Variants in MAML3 observed in about 807,000 individuals in gnomAD.
MAML3 encodes the protein mastermind like transcriptional coactivator 3, also known as mastermind-like protein 3.
Under a neutral mutation model 101.9 loss-of-function variants are expected in MAML3, and 27 were observed. The ratio of observed to expected loss-of-function variants is 0.27; its 90% CI spans 0.20 to 0.37. The LOEUF is 0.37. Among genes scored for constraint, MAML3 ranks in the 10% least tolerant of loss-of-function variants. The pLI is 1.00. For missense variants in MAML3, 1,316 were observed against 1,444.9 expected (o/e 0.91, Z 1.45); for synonymous variants, 501 against 555.9 (o/e 0.90, Z 1.39).
At chr4:139,894,132 G>A (rs1365931119) in intron 1 of MAML3, among the ~76,000 whole-genome samples, 1 of 152,164 alleles carries the variant, frequency 6.6e-6, no homozygotes, top group African/African-American at 2.4e-5. Context: ...GAGCACCATG[G>A]ATAATAAAAC....
rs554969372 is a variant in MAML3 at position 140,058,419 on chromosome 4, C to A, written c.468+94441G>T. Among the ~76,000 whole-genome samples the A allele has an allele frequency of 5.6e-4, 85 of 151,980 alleles. No individual in the cohort carries two copies. In the South Asian group the frequency reaches 0.017, roughly 31 times the overall value. On this transcript the variant is annotated intron_variant, in intron 1 of 4. Coordinates refer to ENST00000509479, the MANE Select transcript of MAML3 (RefSeq NM_018717.5). ...AAGTTTAGAGTATTTTTAAAAATTA[C>A]TAATTTAAGTTTCTTTGCTAAGAAA...
intron 1 of MAML3, among the ~76,000 whole-genome samples, chr4:140,107,864 A>T (rs373511301): frequency 4.6e-5 from 7 of 151,792 alleles, no homozygotes; most frequent in East Asian, 1.9e-4. Flanking sequence ...AAAAAAAATG[A>T]CGGTGGGGTG....
At chr4:139,793,970 A>T (rs967425783) in intron 2 of MAML3, among the ~76,000 whole-genome samples, 1 of 152,218 alleles carries the variant, frequency 6.6e-6, no homozygotes, top group African/African-American at 2.4e-5. Flanking sequence ...ACCTTTTAAC[A>T]GTAGCCAGAA....
chr4:139,721,968 T>C (rs1237838060), intron 4 of MAML3, among the ~76,000 whole-genome samples: 1 of 152,194 alleles, frequency 6.6e-6, no homozygotes, highest in Non-Finnish European at 1.5e-5. Flanking sequence ...AAAAAAAGTT[T>C]AAGGGAAAAA....
chr4:139,773,184 C>T (rs892529862), intron 2 of MAML3, among the ~76,000 whole-genome samples: 2 of 152,042 alleles, frequency 1.3e-5, no homozygotes, highest in African/African-American at 2.4e-5. Flanking sequence ...TTAATTCCAG[C>T]TCTGAAACGT....
At chr4:139,884,253 T>C (rs1244888772) in intron 2 of MAML3, among the ~76,000 whole-genome samples, 1 of 152,222 alleles carries the variant, frequency 6.6e-6, no homozygotes. Flanking sequence ...AGCTCTGTTC[T>C]TTCTCTGGAG....
intron 2 of MAML3, among the ~76,000 whole-genome samples, chr4:139,755,862 C>G (rs187019731): frequency 6.6e-6 from 1 of 152,100 alleles, no homozygotes; most frequent in African/African-American, 2.4e-5. Context: ...TAAAAAAACC[C>G]CCTAACTCTG....
chr4:139,965,945 G>A (rs778590740), intron 1 of MAML3, among the ~76,000 whole-genome samples: 11 of 152,180 alleles, frequency 7.2e-5, no homozygotes, highest in Non-Finnish European at 1.6e-4. Flanking sequence ...TGGGGGAAGG[G>A]AGGGCACTGG....
chr4:139,927,237 G>A (rs796509848), intron 1 of MAML3, among the ~76,000 whole-genome samples: 1 of 151,924 alleles, frequency 6.6e-6, no homozygotes, highest in African/African-American at 2.4e-5. Context: ...TTAATGGACT[G>A]GAATGAGGTT....
chr4:139,918,888 G>A (rs17005230), intron 1 of MAML3, among the ~76,000 whole-genome samples: 1,821 of 152,064 alleles, frequency 0.012, 35 homozygotes, highest in African/African-American at 0.042. Flanking sequence ...AGAGTACCGC[G>A]CATACCTCAG....
intron 1 of MAML3, among the ~76,000 whole-genome samples, chr4:140,084,694 T>C (rs986313953): frequency 1.3e-5 from 2 of 152,058 alleles, no homozygotes; most frequent in African/African-American, 4.8e-5. Context: ...AAACGACTCA[T>C]AAACAAAACA....
Position 140,153,384 on chromosome 4 carries a change from C to T in MAML3, c.-57G>A. 1.3e-6 allele frequency: 2 copies of T among 1,497,086 alleles called. No individual in the cohort carries two copies. The highest frequency in any genetic ancestry group is 2.4e-5 in the East Asian group (1 of 42,546). 92.7% of individuals were successfully genotyped at this position (1,497,086 alleles called of 1,614,324 possible). A position where few individuals can be genotyped will look rare whatever the true frequency, so the allele number is the denominator to read the frequency against. On this transcript the variant is annotated 5_prime_UTR_variant, in exon 1 of 5. Coordinates refer to ENST00000509479, the MANE Select transcript of MAML3 (RefSeq NM_018717.5). ...CTTTTTTTATCCACCCCCCTATCAGCCTCCTCCTTGGGTCCAAGGATTAAA... is the reference window on the plus strand; with the variant it reads ...CTTTTTTTATCCACCCCCCTATCAGTCTCCTCCTTGGGTCCAAGGATTAAA...
At chr4:140,006,917 G>A (rs983992328) in intron 1 of MAML3, among the ~76,000 whole-genome samples, 24 of 152,108 alleles carry the variant, frequency 1.6e-4, no homozygotes, top group African/African-American at 4.6e-4. Context: ...AACCCCTTGA[G>A]GTAGGTGCCA....
chr4:139,764,379 C>CT (rs1163881581), intron 2 of MAML3, among the ~76,000 whole-genome samples: 2 of 152,358 alleles, frequency 1.3e-5, no homozygotes, highest in East Asian at 3.9e-4. Flanking sequence ...TGCTAAACAG[C>CT]ATGGACAAGG....
intron 2 of MAML3, among the ~76,000 whole-genome samples, chr4:139,753,341 A>AATTT (rs1553954175): frequency 4.8e-5 from 7 of 146,578 alleles, no homozygotes; most frequent in African/African-American, 1.8e-4. Context: ...TTTTCTTTTT[A>AATTT]ATCTATCTAT....
At chr4:139,893,318 G>C (rs1732540959) in intron 1 of MAML3, among the ~76,000 whole-genome samples, 1 of 152,082 alleles carries the variant, frequency 6.6e-6, no homozygotes, top group African/African-American at 2.4e-5. Flanking sequence ...CTCCACCCTA[G>C]TTATATGTTA....
chr4:140,110,406 A>G (rs73857933), intron 1 of MAML3, among the ~76,000 whole-genome samples: 5,027 of 152,228 alleles, frequency 0.033, 270 homozygotes, highest in African/African-American at 0.11. Context: ...AGCATTCTTC[A>G]CACCTTTCCT....
intron 2 of MAML3, among the ~76,000 whole-genome samples, chr4:139,873,538 G>C (rs772966168): frequency 1.3e-5 from 2 of 152,220 alleles, no homozygotes; most frequent in Admixed American, 6.5e-5. Flanking sequence ...TCTAATGAAT[G>C]AAACAATGAA....
At chr4:140,024,279 G>C (rs1206303118) in intron 1 of MAML3, among the ~76,000 whole-genome samples, 1 of 151,356 alleles carries the variant, frequency 6.6e-6, no homozygotes, top group Non-Finnish European at 1.5e-5. Flanking sequence ...CCAGGCTGGA[G>C]TGCAGTGGTG....
Sources: allele counts gnomAD v4.1 joint callset (sites outside exome capture counted in the v4.1 genomes callset), GRCh38; gene constraint gnomAD v4.1.1; transcripts MANE v1.5; gene names NCBI Gene and HGNC (gene_info 2026-07-23, HGNC 2026-07-21).